Variants in ULK4 observed in about 807,000 individuals in gnomAD.
ULK4 encodes the protein unc-51 like kinase 4, also known as inactive serine/threonine-protein kinase ULK4.
ULK4 carries 133 observed loss-of-function variants against 160.6 expected under a neutral mutation model. The ratio of observed to expected loss-of-function variants is 0.83; its 90% CI spans 0.72 to 0.96. The LOEUF (loss-of-function observed/expected upper bound fraction) is 0.96. Among genes scored for constraint, ULK4 ranks in the 40% least tolerant of loss-of-function variants. The probability of loss-of-function intolerance (pLI) is 0.00; values close to 1 mark genes in which losing one functional copy is unlikely to be tolerated. For missense variants in ULK4, 1,580 were observed against 1,499.5 expected, an observed-to-expected ratio of 1.05 and a Z score of -0.89; for synonymous variants, 534 against 539.8, an observed-to-expected ratio of 0.99 and a Z score of 0.15.
At chr3:41,729,290 T>A (rs1349870166) in intron 22 of ULK4, among the ~76,000 whole-genome samples, 1 of 152,232 alleles carries the variant, frequency 6.6e-6, no homozygotes, top group African/African-American at 2.4e-5. Context: ...ACGAATGTCA[T>A]GAAAACCTGC....
At chr3:41,415,594 G>T (rs1318159161) in intron 34 of ULK4, among the ~76,000 whole-genome samples, 1 of 152,090 alleles carries the variant, frequency 6.6e-6, no homozygotes, top group Non-Finnish European at 1.5e-5. Flanking sequence ...TCAAAAGGGT[G>T]CCTCCACATA....
chr3:41,581,349 A>G (rs1276277341), intron 31 of ULK4, among the ~76,000 whole-genome samples: 3 of 152,222 alleles, frequency 2.0e-5, no homozygotes, highest in Admixed American at 6.5e-5. Flanking sequence ...TTTGGACACA[A>G]TGAATGGATT....
chr3:41,385,959 A>G (rs993271462), intron 35 of ULK4, among the ~76,000 whole-genome samples: 1 of 152,150 alleles, frequency 6.6e-6, no homozygotes, highest in African/African-American at 2.4e-5. Flanking sequence ...TCCTTAACTG[A>G]CAATATTTTC....
chr3:41,928,420 C>T (rs746342793), intron 5 of ULK4, among the ~76,000 whole-genome samples: 11 of 151,864 alleles, frequency 7.2e-5, no homozygotes, highest in Non-Finnish European at 1.6e-4. Context: ...AATTGACACC[C>T]TAACATCGCA....
chr3:41,466,809 TC>T (rs2083847568), intron 32 of ULK4, among the ~76,000 whole-genome samples: 1 of 152,136 alleles, frequency 6.6e-6, no homozygotes, highest in African/African-American at 2.4e-5. Context: ...CATGTGTGTG[TC>T]CAAAAACCTG....
At chr3:41,720,510 G>A (rs9863915) in intron 22 of ULK4, among the ~76,000 whole-genome samples, 48,295 of 151,694 alleles carry the variant, frequency 0.32, 11,348 homozygotes, top group African/African-American at 0.67. Context: ...CAAAATGTTA[G>A]TATTATATAT....
At chr3:41,331,128 A>T (rs971355779) in intron 35 of ULK4, among the ~76,000 whole-genome samples, 1 of 152,158 alleles carries the variant, frequency 6.6e-6, no homozygotes, top group Non-Finnish European at 1.5e-5. Context: ...GCCAACTTGG[A>T]TATCTGTTAG....
At chr3:41,347,333 A>G (rs541301433) in intron 35 of ULK4, among the ~76,000 whole-genome samples, 6 of 152,298 alleles carry the variant, frequency 3.9e-5, no homozygotes, top group African/African-American at 1.4e-4. Flanking sequence ...ATAAAGAATT[A>G]TTTTGTTGGA....
chr3:41,899,930 T>A (rs901918889), intron 13 of ULK4, among the ~76,000 whole-genome samples: 2 of 151,992 alleles, frequency 1.3e-5, no homozygotes, highest in Non-Finnish European at 2.9e-5. Flanking sequence ...TAAACCACAG[T>A]AACGTTCCCA....
At chr3:41,913,000 A>G (rs1268625062) in intron 8 of ULK4, 101 bp from the exon 9 acceptor site, 13 of 938,114 alleles carry the variant, frequency 1.4e-5, no homozygotes, top group Non-Finnish European at 2.1e-5. Flanking sequence ...TACAAGGTAC[A>G]CATGTACCTT....
chr3:41,561,877 C>G (rs1285640363), intron 32 of ULK4, among the ~76,000 whole-genome samples: 2 of 152,092 alleles, frequency 1.3e-5, no homozygotes, highest in Non-Finnish European at 2.9e-5. Context: ...CTGCTCTGAT[C>G]TTAGTTATTT....
chr3:41,911,982 G>A (rs1698804850), intron 9 of ULK4, among the ~76,000 whole-genome samples: 1 of 151,448 alleles, frequency 6.6e-6, no homozygotes. Flanking sequence ...GTGAGACCTT[G>A]TCTCTACTTT....
At chr3:41,573,645 C>T (rs990842335) in intron 31 of ULK4, among the ~76,000 whole-genome samples, 2 of 152,130 alleles carry the variant, frequency 1.3e-5, no homozygotes, top group African/African-American at 4.8e-5. Context: ...ACGTGTTGGG[C>T]ACGCAGCATC....
intron 16 of ULK4, among the ~76,000 whole-genome samples, chr3:41,891,303 A>G (rs1355167917): frequency 1.2e-5 from 1 of 80,102 alleles, no homozygotes; most frequent in South Asian, 7.1e-4. Flanking sequence ...GAAGGAAGGG[A>G]CGGGAGCGGG....
intron 34 of ULK4, among the ~76,000 whole-genome samples, chr3:41,444,201 T>C (rs1406492035): frequency 6.6e-6 from 1 of 152,144 alleles, no homozygotes; most frequent in East Asian, 1.9e-4. Context: ...AAACTTGCAT[T>C]TCATTTTTTT....
intron 30 of ULK4, among the ~76,000 whole-genome samples, chr3:41,626,762 G>C (rs959918353): frequency 6.6e-6 from 1 of 151,910 alleles, no homozygotes; most frequent in Non-Finnish European, 1.5e-5. Flanking sequence ...TCCTAACCTC[G>C]TGATCCACCC....
At chr3:41,918,561 G>T in intron 6 of ULK4, 21 bp from the exon 7 acceptor site, 2 of 1,333,668 alleles carry the variant, frequency 1.5e-6, no homozygotes, top group Non-Finnish European at 1.0e-6. Context: ...ATGAAAACTT[G>T]CAAAATGAAA....
At chr3:41,946,633 A>G (rs1700119626) in intron 2 of ULK4, among the ~76,000 whole-genome samples, 1 of 152,172 alleles carries the variant, frequency 6.6e-6, no homozygotes, top group Non-Finnish European at 1.5e-5. Flanking sequence ...GCATCAGTTT[A>G]CCAACGTAGT....
intron 35 of ULK4, among the ~76,000 whole-genome samples, chr3:41,362,369 G>A (rs1238466596): frequency 6.6e-6 from 1 of 152,132 alleles, no homozygotes; most frequent in Non-Finnish European, 1.5e-5. Context: ...ACATATTGAA[G>A]CTATTGATAA....
Sources: allele counts gnomAD v4.1 joint callset (sites outside exome capture counted in the v4.1 genomes callset), GRCh38; gene constraint gnomAD v4.1.1; transcripts MANE v1.5; gene names NCBI Gene and HGNC (gene_info 2026-07-23, HGNC 2026-07-21).